Variants in VEGFD observed in about 807,000 individuals in gnomAD.
VEGFD encodes c-fos induced growth factor (vascular endothelial growth factor D).
VEGFD carries 26 observed loss-of-function variants against 28.0 expected under a neutral mutation model. The ratio of observed to expected loss-of-function variants is 0.93; its 90% CI spans 0.68 to 1.29. The LOEUF (loss-of-function observed/expected upper bound fraction) is 1.29. Among genes scored for constraint, VEGFD ranks in the 50% most tolerant of loss-of-function variants. VEGFD has a pLI of 0.00. For missense variants in VEGFD, 294 were observed against 273.4 expected, an observed-to-expected ratio of 1.08 and a Z score of -0.53; for synonymous variants, 93 against 95.5, an observed-to-expected ratio of 0.97 and a Z score of 0.15.
chrX:15,348,572 C>A (rs1260576132), intron 5 of VEGFD, among the ~76,000 whole-genome samples: 1 of 112,292 alleles, frequency 8.9e-6, no homozygotes, highest in Non-Finnish European at 1.9e-5. Flanking sequence ...TCCATTTATA[C>A]CAAATGACAG....
In VEGFD at chrX:15,383,868, C is replaced by G. The variant is rs1436693937; in HGVS notation, c.79G>C (p.Gly27Arg). 8.3e-7 allele frequency: 1 copy of G among 1,205,024 alleles called. No individual in the cohort carries two copies. The highest frequency in any genetic ancestry group is 1.7e-5 in the African/African-American group (1 of 57,153). The change falls in exon 1 of 7, where the codon GGA becomes CGA. Residue 27 changes from glycine to arginine, a missense_variant. By Grantham distance (125) the Gly-to-Arg change is moderately radical. Coordinates refer to ENST00000297904, the MANE Select transcript of VEGFD (RefSeq NM_004469.5). ...QLVQGSSNEH[G>R]PVKRSSQSTL... ...TTGAGCTCACCTACCTTCACTGGTC[C>G]ATGTTCATTACTGGAGCCCTGCACC...
At chrX:15,367,873 T>G (rs1255327761) in intron 1 of VEGFD, among the ~76,000 whole-genome samples, 1 of 107,205 alleles carries the variant, frequency 9.3e-6, no homozygotes, top group African/African-American at 3.4e-5. Flanking sequence ...GAGAATCACC[T>G]GAGCCTGGGG....
chrX:15,353,277 A>T (rs1350695213), intron 4 of VEGFD, 109 bp from the exon 5 acceptor site: 2 of 342,840 alleles, frequency 5.8e-6, no homozygotes, highest in Non-Finnish European at 9.8e-6. Flanking sequence ...TTTTAAATTT[A>T]TTTTTTGCTT....
intron 1 of VEGFD, among the ~76,000 whole-genome samples, chrX:15,373,852 C>G (rs1420460950): frequency 9.0e-6 from 1 of 111,248 alleles, no homozygotes; most frequent in African/African-American, 3.3e-5. Context: ...CAACCAAAAC[C>G]ACCAAATTTT....
intron 1 of VEGFD, among the ~76,000 whole-genome samples, chrX:15,376,615 T>C (rs759668445): frequency 6.2e-4 from 69 of 111,753 alleles, no homozygotes; most frequent in African/African-American, 1.9e-3. Flanking sequence ...GAATACCCTC[T>C]TTCACATTTC....
rs778550527 is a variant in VEGFD, at chrX:15,346,244, G to T, written c.954C>A (p.Cys318Ter). The part of the protein sequence containing the change: ...HPDTCSCEDR[C>*]PFHTRPCASG... ...TTGCACATGGTCTGGTATGAAAGGG[G>T]CATCTGTCCTCACAGCTGTTGCAAA... The change falls in exon 7 of 7, where the codon TGC becomes TGA. Residue 318 changes from cysteine to a stop codon, truncating the protein, a stop_gained. Transcript: ENST00000297904. LOFTEE classifies it high-confidence loss of function. 8.3e-7 allele frequency: 1 copy of T among 1,209,026 alleles called. No individual in the cohort carries two copies. Among genetic ancestry groups the T allele is most frequent in the East Asian group, 3.0e-5 (1 of 33,839 alleles).
intron 5 of VEGFD, among the ~76,000 whole-genome samples, chrX:15,350,105 C>T (rs1265974737): frequency 9.0e-6 from 1 of 111,258 alleles, no homozygotes; most frequent in Non-Finnish European, 1.9e-5. Flanking sequence ...TGTGTGGTTT[C>T]CCTTTGTCCT....
At chrX:15,372,300 T>G (rs141849341) in intron 1 of VEGFD, among the ~76,000 whole-genome samples, 2,010 of 111,780 alleles carry the variant, frequency 0.018, 39 homozygotes, top group African/African-American at 0.062. Context: ...ATGAACCCAT[T>G]GTGGAAATTA....
chrX:15,356,975 T>C (rs762535258), intron 3 of VEGFD, among the ~76,000 whole-genome samples: 88 of 112,295 alleles, frequency 7.8e-4, no homozygotes, highest in African/African-American at 2.6e-3. Flanking sequence ...CTACCTCTTT[T>C]TGCAGTTAAA....
At chrX:15,376,381 C>G (rs1179552747) in intron 1 of VEGFD, among the ~76,000 whole-genome samples, 2 of 112,020 alleles carry the variant, frequency 1.8e-5, no homozygotes, top group Non-Finnish European at 3.8e-5. Context: ...TCCTCTGACT[C>G]CCAGCTGACT....
intron 1 of VEGFD, among the ~76,000 whole-genome samples, chrX:15,367,981 A>AG (rs1200883460): frequency 1.1e-3 from 52 of 45,300 alleles, no homozygotes; most frequent in African/African-American, 6.3e-3. Context: ...AAAGAAAGAA[A>AG]AAGAAAAAGA....
At chrX:15,353,740 CA>C (rs398069126) in intron 4 of VEGFD, among the ~76,000 whole-genome samples, 48 of 89,201 alleles carry the variant, frequency 5.4e-4, no homozygotes, top group Non-Finnish European at 4.7e-4. Flanking sequence ...AACTCCGTCT[CA>C]AAAAAAAAAA....
intron 5 of VEGFD, among the ~76,000 whole-genome samples, chrX:15,348,455 A>G (rs1042577444): frequency 3.6e-5 from 4 of 112,361 alleles, no homozygotes; most frequent in African/African-American, 1.3e-4. Context: ...CCCTTCCCAC[A>G]ATAAAAACCA....
chrX:15,383,500 C>T (rs925075419), intron 1 of VEGFD, among the ~76,000 whole-genome samples: 1 of 111,976 alleles, frequency 8.9e-6, no homozygotes, highest in Non-Finnish European at 1.9e-5. Context: ...ATAAATGGCC[C>T]ACAAAGTTAT....
At chrX:15,359,717 C>T (rs187263702) in intron 2 of VEGFD, among the ~76,000 whole-genome samples, 2 of 111,631 alleles carry the variant, frequency 1.8e-5, no homozygotes, top group Admixed American at 9.5e-5. Context: ...TTGAGGCAGC[C>T]TCTGGCCAAT....
chrX:15,347,515 A>G (rs1922586086), intron 5 of VEGFD, 156 bp from the exon 6 acceptor site: 1 of 359,273 alleles, frequency 2.8e-6, no homozygotes, highest in African/African-American at 2.6e-5. Flanking sequence ...AGGGTGAGGA[A>G]GATTAACCTC....
At position 15,363,276 on chromosome X, in the gene VEGFD, C is replaced by G; in HGVS notation, c.134G>C (p.Arg45Thr). 1 of 1,211,634 alleles carries G rather than the reference C, an allele frequency of 8.3e-7. No individual in the cohort carries two copies. The highest frequency in any genetic ancestry group is 1.1e-6 in the Non-Finnish European group (1 of 895,384). Residue 45 changes from arginine (R) to threonine (T), a missense_variant, in exon 2 of 7, where the codon AGG becomes ACG. Transcript: ENST00000297904. ...STLERSEQQIRAASSLEELLR... is the reference protein window; with the variant it reads ...STLERSEQQITAASSLEELLR... Reference sequence around the variant, plus strand: ...TAGTTCCTCCAAACTAGAAGCAGCCCTGATCTGCTGTTCAGATCGTTCCAA... The same window carrying G: ...TAGTTCCTCCAAACTAGAAGCAGCCGTGATCTGCTGTTCAGATCGTTCCAA...
chrX:15,378,775 C>T (rs1923496525), intron 1 of VEGFD, among the ~76,000 whole-genome samples: 1 of 111,645 alleles, frequency 9.0e-6, no homozygotes, highest in Non-Finnish European at 1.9e-5. Flanking sequence ...CAATTTTTTA[C>T]ATTTTCCAAT....
chrX:15,358,248 C>A, intron 2 of VEGFD, 55 bp from the exon 3 acceptor site: 1 of 994,524 alleles, frequency 1.0e-6, no homozygotes, highest in Non-Finnish European at 1.4e-6. Context: ...TCCTGGTGTG[C>A]CAACATGTGC....
Sources: gnomAD v4.1 joint callset for allele counts (sites outside exome capture counted in the v4.1 genomes callset) on GRCh38, gnomAD v4.1.1 for gene constraint, MANE v1.5 for transcripts, NCBI Gene and HGNC (gene_info 2026-07-23, HGNC 2026-07-21) for gene names.